Variants in TRAPPC9 observed in about 807,000 individuals in gnomAD.
TRAPPC9 encodes the protein trafficking protein particle complex subunit 9.
Under a neutral mutation model 124.0 loss-of-function variants are expected in TRAPPC9, and 83 were observed. The observed-to-expected ratio is 0.67, with a 90% confidence interval of 0.56 to 0.80. TRAPPC9 has a LOEUF of 0.80. Ranked by LOEUF, TRAPPC9 falls within the 30% of genes least tolerant of loss-of-function variation. TRAPPC9 has a pLI of 0.00. For synonymous variants in TRAPPC9, 638 were observed against 617.5 expected (o/e 1.03, Z -0.49); for missense variants, 1,302 against 1,508.3 (o/e 0.86, Z 2.27).
chr8:139,818,444 T>A (rs1342840329), intron 21 of TRAPPC9, among the ~76,000 whole-genome samples: 2 of 152,076 alleles, frequency 1.3e-5, no homozygotes, highest in Non-Finnish European at 2.9e-5. Context: ...GGCATGGTGG[T>A]GTGTGCCTAC....
intron 5 of TRAPPC9, among the ~76,000 whole-genome samples, chr8:140,419,449 A>ATC (rs1564011561): frequency 1.3e-5 from 1 of 74,674 alleles, no homozygotes; most frequent in African/African-American, 4.9e-5. Context: ...AAAAAAAAAA[A>ATC]AAACAAAACA....
At chr8:140,208,458 C>T (rs1005045647) in intron 17 of TRAPPC9, among the ~76,000 whole-genome samples, 1 of 152,192 alleles carries the variant, frequency 6.6e-6, no homozygotes, top group African/African-American at 2.4e-5. Flanking sequence ...ACTCCCAGGC[C>T]CTCTGCAAAT....
intron 9 of TRAPPC9, among the ~76,000 whole-genome samples, chr8:140,330,562 G>A (rs1309274235): frequency 1.3e-5 from 2 of 152,118 alleles, no homozygotes; most frequent in African/African-American, 4.8e-5. Flanking sequence ...ATTTTTCCTT[G>A]TTCCTTTCAG....
chr8:139,903,874 C>T (rs1381102097), intron 20 of TRAPPC9, among the ~76,000 whole-genome samples: 1 of 152,122 alleles, frequency 6.6e-6, no homozygotes, highest in Non-Finnish European at 1.5e-5. Flanking sequence ...AACCCCAACT[C>T]TACTAAAAAA....
At chr8:140,165,559 AGGGAAGGGAAGAGGAG>A (rs900399152) in intron 17 of TRAPPC9, among the ~76,000 whole-genome samples, 1 of 126,454 alleles carries the variant, frequency 7.9e-6, no homozygotes, top group Admixed American at 8.9e-5. Context: ...AATGAAAGAA[AGGGAAGGGAAGAGGAG>A]GGGAAGGGAA....
intron 17 of TRAPPC9, among the ~76,000 whole-genome samples, chr8:140,037,539 C>G (rs182894550): frequency 1.6e-3 from 239 of 152,034 alleles, no homozygotes; most frequent in African/African-American, 5.5e-3. Flanking sequence ...ACATCGGACC[C>G]CTACTGCTCC....
chr8:139,860,505 G>A (rs1828059639), intron 21 of TRAPPC9, among the ~76,000 whole-genome samples: 1 of 152,194 alleles, frequency 6.6e-6, no homozygotes, highest in Admixed American at 6.5e-5. Flanking sequence ...GTGTGTCACA[G>A]GATCCCCGGC....
In TRAPPC9 at chr8:139,885,958, C is replaced by T; in HGVS notation, c.2976G>A (p.Lys992=). 1 of 1,567,218 alleles carries T rather than the reference C, an allele frequency of 6.4e-7. No homozygotes were observed. Among genetic ancestry groups the T allele is most frequent in the Non-Finnish European group, 8.7e-7 (1 of 1,155,110 alleles). ...CTTCCACACTCGCCTCGCCACTGCG[C>T]TTCAGGGAGGGGTGAGCCTTGGTCA... ...LGICWRIPSL[K]RSGEASVEGL... The change falls in exon 21 of 23, where the codon AAG becomes AAA. Residue 992 remains lysine (K), a synonymous_variant. Transcript: ENST00000438773.
chr8:139,988,889 G>T, intron 18 of TRAPPC9, 53 bp from the exon 19 acceptor site: 2 of 1,263,484 alleles, frequency 1.6e-6, no homozygotes, highest in South Asian at 2.6e-5. Context: ...AAAGAGGAAT[G>T]ACTTTCCCTT....
intron 17 of TRAPPC9, among the ~76,000 whole-genome samples, chr8:140,043,501 T>C (rs1325911945): frequency 1.3e-5 from 2 of 152,192 alleles, no homozygotes; most frequent in Non-Finnish European, 2.9e-5. Flanking sequence ...TTCCCCAGCA[T>C]AGTCCCTTCA....
chr8:140,023,984 G>A lies in TRAPPC9; in HGVS notation c.2652C>T (p.Val884=), dbSNP rs184167262. 1.7e-4 allele frequency: 276 copies of A among 1,614,044 alleles called. No individual in the cohort carries two copies. The East Asian group carries it at 5.9e-3, about 35-fold the overall frequency. The change falls in exon 18 of 23, where the codon GTC becomes GTT. Residue 884 remains valine, a synonymous_variant. Transcript: ENST00000438773. ...RNLSLGLHVE[V]EPSVFFTRVS... ...CTCGGGTGAAAAATACAGACGGCTC[G>A]ACTTCTACATGCAGCCCCAGGGAGA...
At position 140,303,270 on chromosome 8, in the gene TRAPPC9, A is replaced by T. The variant is rs545959530; in HGVS notation, c.1623-2656T>A. 9.9e-5 allele frequency among the ~76,000 whole-genome samples: 15 copies of T among 151,846 alleles called. No homozygotes were observed. In the East Asian group the frequency reaches 2.7e-3, roughly 27 times the overall value. ...TTGAAGGAGCTCAATGTTAGCTCTT[A>T]AAAAAAAATATTCAATGAGTCCCAC... On this transcript the variant is annotated intron_variant, in intron 10 of 22. Transcript: ENST00000438773.
intron 17 of TRAPPC9, among the ~76,000 whole-genome samples, chr8:140,217,954 T>C (rs1003735419): frequency 4.0e-5 from 6 of 150,948 alleles, no homozygotes; most frequent in Non-Finnish European, 7.4e-5. Context: ...GAGGTGGAGG[T>C]TGCAGTGAGC....
chr8:140,454,588 C>T (rs7844106), intron 1 of TRAPPC9, among the ~76,000 whole-genome samples: 52,429 of 142,616 alleles, frequency 0.37, 11,227 homozygotes, highest in South Asian at 0.47. Context: ...TGCAGTGAGC[C>T]GAGATCACGC....
intron 7 of TRAPPC9, among the ~76,000 whole-genome samples, chr8:140,389,639 A>C (rs528251335): frequency 6.6e-6 from 1 of 152,330 alleles, no homozygotes; most frequent in Non-Finnish European, 1.5e-5. Flanking sequence ...ATCTGCATGC[A>C]TTACCAAACT....
chr8:140,076,112 A>C (rs1843492436), intron 17 of TRAPPC9, among the ~76,000 whole-genome samples: 1 of 152,226 alleles, frequency 6.6e-6, no homozygotes, highest in South Asian at 2.1e-4. Flanking sequence ...GGGGAGATGG[A>C]GAGACGCAAG....
intron 12 of TRAPPC9, among the ~76,000 whole-genome samples, chr8:140,290,585 A>T (rs1004150411): frequency 6.6e-6 from 1 of 152,140 alleles, no homozygotes; most frequent in South Asian, 2.1e-4. Flanking sequence ...TTATCCTCCC[A>T]TTCCACAGCT....
At chr8:140,410,595 G>A (rs1588303086) in intron 5 of TRAPPC9, among the ~76,000 whole-genome samples, 1 of 152,160 alleles carries the variant, frequency 6.6e-6, no homozygotes, top group Non-Finnish European at 1.5e-5. Context: ...TGTAATCCCA[G>A]CACTTCGGAA....
chr8:140,382,305 T>A (rs1040692839), intron 7 of TRAPPC9, among the ~76,000 whole-genome samples: 6 of 152,148 alleles, frequency 3.9e-5, no homozygotes, highest in African/African-American at 1.4e-4. Flanking sequence ...GGACAGTGGG[T>A]GCAGTGCATC....
Sources: allele counts gnomAD v4.1 joint callset (sites outside exome capture counted in the v4.1 genomes callset), GRCh38; gene constraint gnomAD v4.1.1; transcripts MANE v1.5; gene names NCBI Gene and HGNC (gene_info 2026-07-23, HGNC 2026-07-21).